The following SMG7 variants were observed in gnomAD, a reference collection of about 807,000 sequenced individuals.
The protein encoded by SMG7 is nonsense-mediated mRNA decay factor SMG7.
Under a neutral mutation model 148.2 loss-of-function variants are expected in SMG7, and 34 were observed. That is an observed-to-expected ratio of 0.23 (90% CI 0.17 to 0.31). SMG7 has a LOEUF of 0.31. Ranked by LOEUF, SMG7 falls within the 10% of genes least tolerant of loss-of-function variation. SMG7 has a pLI of 1.00. For missense variants in SMG7, 1,114 were observed against 1,408.4 expected, an observed-to-expected ratio of 0.79 and a Z score of 3.35; for synonymous variants, 492 against 515.1, an observed-to-expected ratio of 0.96 and a Z score of 0.61.
intron 1 of SMG7, among the ~76,000 whole-genome samples, chr1:183,486,423 T>G (rs74129803): frequency 0.014 from 2,192 of 152,282 alleles, 61 homozygotes; most frequent in African/African-American, 0.049. Flanking sequence ...GGCCTTTTTT[T>G]TGTGTGTGAC....
intron 14 of SMG7, among the ~76,000 whole-genome samples, chr1:183,543,015 T>C (rs1162153378): frequency 1.3e-5 from 2 of 151,576 alleles, no homozygotes; most frequent in African/African-American, 2.4e-5. Context: ...TTGACAATTA[T>C]ACTTGTCCCG....
intron 1 of SMG7, among the ~76,000 whole-genome samples, chr1:183,503,724 AG>A (rs1184832353): frequency 6.6e-6 from 1 of 152,214 alleles, no homozygotes; most frequent in African/African-American, 2.4e-5. Context: ...TGTCACAATC[AG>A]ATTACCCCTC....
rs79995593 is a variant in SMG7, at chr1:183,478,975, T to C, written c.29+6326T>C. On this transcript the variant is annotated intron_variant, in intron 1 of 22. Coordinates refer to ENST00000688051, the MANE Select transcript of SMG7 (RefSeq NM_001375584.1). ...TATTGTTATGAATAGACTTATCAGC[T>C]GTCTGGGAAATTGTAACTAAGCATT... Among the ~76,000 whole-genome samples, 1,413 of 152,332 alleles carry C rather than the reference T, an allele frequency of 9.3e-3. 23 individuals are homozygous for C. The highest frequency in any genetic ancestry group is 0.032 in the African/African-American group (1,337 of 41,580).
At position 183,553,069 on chromosome 1, in the gene SMG7, G is replaced by A; in HGVS notation, c.*1138G>A. On this transcript the variant is annotated 3_prime_UTR_variant, in exon 23 of 23. Transcript: ENST00000688051. ...TCTGCGTAGCCCACAGAGGGCCCAG[G>A]CCCCTGCCCAGCTGCAGTCTCCCAG... The A allele has an allele frequency of 2.6e-6, 4 of 1,536,220 alleles. No individual in the cohort carries two copies. The highest frequency in any genetic ancestry group is 2.4e-5 in the South Asian group (2 of 84,070).
At chr1:183,507,989 G>C (rs1261156138) in intron 1 of SMG7, 1 of 158,686 alleles carries the variant, frequency 6.3e-6, no homozygotes, top group Non-Finnish European at 1.3e-5. Flanking sequence ...TTGAAATCAT[G>C]GTGATTTTAT....
intron 1 of SMG7, among the ~76,000 whole-genome samples, chr1:183,506,700 TAA>T (rs915254763): frequency 1.3e-5 from 2 of 150,368 alleles, no homozygotes; most frequent in African/African-American, 4.9e-5. Context: ...TCTCCCAAAA[TAA>T]AAGAGAGTGA....
At chr1:183,519,083 C>T (rs1664189663) in intron 4 of SMG7, among the ~76,000 whole-genome samples, 1 of 151,928 alleles carries the variant, frequency 6.6e-6, no homozygotes, top group African/African-American at 2.4e-5. Context: ...ATCCCAGCTA[C>T]TCTGGAGGCT....
chr1:183,511,321 C>T (rs1230362638), intron 1 of SMG7, among the ~76,000 whole-genome samples: 1 of 152,100 alleles, frequency 6.6e-6, no homozygotes, highest in Non-Finnish European at 1.5e-5. Context: ...TGAAGAAAAA[C>T]TAGAAGTGCT....
At chr1:183,498,767 C>T (rs569008997) in intron 1 of SMG7, among the ~76,000 whole-genome samples, 21 of 152,308 alleles carry the variant, frequency 1.4e-4, no homozygotes, top group African/African-American at 5.1e-4. Context: ...ATCATATTCA[C>T]CCAAAGTTCA....
chr1:183,523,936 A>G (rs1306808994), intron 4 of SMG7, among the ~76,000 whole-genome samples: 1 of 150,238 alleles, frequency 6.7e-6, no homozygotes, highest in Non-Finnish European at 1.5e-5. Context: ...TGTTTTTTTC[A>G]TAATATATAT....
rs1356286255 is a variant in SMG7 at position 183,552,070 on chromosome 1, G to T, written c.*139G>T. On this transcript the variant is annotated 3_prime_UTR_variant, in exon 23 of 23. Transcript: ENST00000688051. Reference sequence around the variant, plus strand: ...TCAAGAGGGTGTAAGTATTCCACCAGCCCGCTGAGTGTGCACGAAATGTTC... The same window carrying T: ...TCAAGAGGGTGTAAGTATTCCACCATCCCGCTGAGTGTGCACGAAATGTTC... The T allele has an allele frequency of 2.2e-6, 3 of 1,337,216 alleles. No individual in the cohort carries two copies. Among genetic ancestry groups the T allele is most frequent in the Non-Finnish European group, 2.9e-6 (3 of 1,032,134 alleles). 82.8% of individuals were successfully genotyped at this position (1,337,216 alleles called of 1,614,324 possible). A position where few individuals can be genotyped will look rare whatever the true frequency, so the allele number is the denominator to read the frequency against.
chr1:183,525,248 A>T (rs1040948179), intron 4 of SMG7, among the ~76,000 whole-genome samples: 2 of 152,300 alleles, frequency 1.3e-5, no homozygotes, highest in African/African-American at 2.4e-5. Flanking sequence ...ACAGCTCAGT[A>T]ATCAACCATA....
chr1:183,473,455 G>T (rs570314970), intron 1 of SMG7, among the ~76,000 whole-genome samples: 4 of 152,130 alleles, frequency 2.6e-5, no homozygotes, highest in African/African-American at 4.8e-5. Context: ...GGTGGGGGGC[G>T]CGGCGATTGA....
rs748575451 is a variant in SMG7, at chr1:183,553,436, A to C, written c.*1505A>C. On this transcript the variant is annotated 3_prime_UTR_variant, in exon 23 of 23. Coordinates refer to ENST00000688051, the MANE Select transcript of SMG7 (RefSeq NM_001375584.1). ...CACACGTGCCCATCTGCTGTCCCAG[A>C]GGGGAGGGGTTGTGTGTGCGAGTGT... is the stretch of plus-strand genomic sequence containing the variant. The C allele has an allele frequency of 1.2e-5, 6 of 500,536 alleles. No homozygotes were observed. Among genetic ancestry groups the C allele is most frequent in the Non-Finnish European group, 2.2e-5 (6 of 276,488 alleles). The allele number at this position is 500,536 out of a possible 1,614,324, so 31.0% of individuals were successfully genotyped here.
At chr1:183,476,252 G>GGT (rs1184170071) in intron 1 of SMG7, among the ~76,000 whole-genome samples, 9 of 152,098 alleles carry the variant, frequency 5.9e-5, no homozygotes, top group Non-Finnish European at 1.2e-4. Flanking sequence ...GTGGTTGGGG[G>GGT]GTGTAGCAAT....
At chr1:183,537,017 C>G (rs1667910754) in intron 10 of SMG7, 128 bp from the exon 11 acceptor site, 1 of 625,484 alleles carries the variant, frequency 1.6e-6, no homozygotes, top group Non-Finnish European at 2.9e-6. Context: ...ATTATACAGC[C>G]TTTGAAATGC....
At chr1:183,544,609 T>A (rs1572087828) in intron 15 of SMG7, 112 bp downstream of exon 15, 1 of 1,167,122 alleles carries the variant, frequency 8.6e-7, no homozygotes. Flanking sequence ...CATAAAAAGT[T>A]CTATTTTCCC....
intron 6 of SMG7, 28 bp downstream of exon 6, chr1:183,528,055 A>T: frequency 6.4e-7 from 1 of 1,556,538 alleles, no homozygotes; most frequent in Non-Finnish European, 8.8e-7. Flanking sequence ...CCTGAGATTG[A>T]CCGTGACACT....
rs1167442512 is a variant in SMG7 at position 183,553,469 on chromosome 1, T to TA, written c.*1539dup. The TA allele has an allele frequency of 1.2e-5, 5 of 401,322 alleles. No homozygotes were observed. The highest frequency in any genetic ancestry group is 7.1e-4 in the Middle Eastern group (1 of 1,406). 24.9% of individuals were successfully genotyped at this position (401,322 alleles called of 1,614,324 possible). A position where few individuals can be genotyped will look rare whatever the true frequency, so the allele number is the denominator to read the frequency against. ...GGTTGTGTGTGCGAGTGTATGGAGTTAGTGTGGAACTTAAGAGCTGGAAGA... is the reference window on the plus strand; with the variant it reads ...GGTTGTGTGTGCGAGTGTATGGAGTTAAGTGTGGAACTTAAGAGCTGGAAGA... On this transcript the variant is annotated 3_prime_UTR_variant, in exon 23 of 23. Transcript: ENST00000688051.
Sources: gnomAD v4.1 joint callset for allele counts (sites outside exome capture counted in the v4.1 genomes callset) on GRCh38, gnomAD v4.1.1 for gene constraint, MANE v1.5 for transcripts, NCBI Gene and HGNC (gene_info 2026-07-23, HGNC 2026-07-21) for gene names.